Variants in HECW2 observed in about 807,000 individuals in gnomAD.
The protein encoded by HECW2 is HECT, C2 and WW domain containing E3 ubiquitin protein ligase 2.
In HECW2, 61 loss-of-function variants were observed where a neutral mutation model predicts 175.2. That is an observed-to-expected ratio of 0.35 (90% CI 0.28 to 0.43). The LOEUF (loss-of-function observed/expected upper bound fraction) is 0.43. Ranked by LOEUF, HECW2 falls within the 20% of genes least tolerant of loss-of-function variation. The probability of loss-of-function intolerance (pLI) is 1.00; values close to 1 mark genes in which losing one functional copy is unlikely to be tolerated. For synonymous variants in HECW2, 671 were observed against 731.0 expected, an observed-to-expected ratio of 0.92 and a Z score of 1.32; for missense variants, 1,524 against 2,000.5, an observed-to-expected ratio of 0.76 and a Z score of 4.54.
At chr2:196,253,786 C>T in intron 19 of HECW2, 134 bp downstream of exon 19, 2 of 694,150 alleles carry the variant, frequency 2.9e-6, no homozygotes, top group Non-Finnish European at 4.8e-6. Flanking sequence ...ACAGGAAATG[C>T]ACACGTGTAT....
chr2:196,237,358 CA>C (rs1688292739), intron 21 of HECW2, among the ~76,000 whole-genome samples: 1 of 152,124 alleles, frequency 6.6e-6, no homozygotes, highest in African/African-American at 2.4e-5. Flanking sequence ...CTCTTTCCCC[CA>C]AGTCCCAAAA....
intron 1 of HECW2, among the ~76,000 whole-genome samples, chr2:196,454,141 G>T (rs573566194): frequency 1.9e-4 from 29 of 152,160 alleles, no homozygotes; most frequent in African/African-American, 6.5e-4. Context: ...TGTATTTTTA[G>T]TAGAAACAGG....
intron 1 of HECW2, among the ~76,000 whole-genome samples, chr2:196,512,377 T>A (rs1190908184): frequency 6.6e-6 from 1 of 152,184 alleles, no homozygotes; most frequent in African/African-American, 2.4e-5. Flanking sequence ...GTCACTTTTT[T>A]AACCCTTCAA....
chr2:196,420,246 T>C (rs988058395), intron 2 of HECW2, among the ~76,000 whole-genome samples: 1 of 152,246 alleles, frequency 6.6e-6, no homozygotes, highest in African/African-American at 2.4e-5. Context: ...CAATGCAGTT[T>C]CTCTGAAGTC....
intron 2 of HECW2, among the ~76,000 whole-genome samples, chr2:196,386,284 A>G (rs1276706691): frequency 2.0e-5 from 3 of 152,324 alleles, no homozygotes; most frequent in Middle Eastern, 3.4e-3. Flanking sequence ...TGGGGGAAAG[A>G]GAACAGAGAG....
At chr2:196,507,949 T>C (rs1451131362) in intron 1 of HECW2, among the ~76,000 whole-genome samples, 1 of 152,190 alleles carries the variant, frequency 6.6e-6, no homozygotes, top group East Asian at 1.9e-4. Context: ...TTAACACTCC[T>C]CTTCAACCCC....
chr2:196,429,742 C>A lies in HECW2; in HGVS notation c.292+3390G>T, dbSNP rs555659205. Reference sequence around the variant, plus strand: ...TAGAGCAAGAAGCTAGAGTCCATAGCAGTTCTGCTGAGCTTGGATACAGAG... The same window carrying A: ...TAGAGCAAGAAGCTAGAGTCCATAGAAGTTCTGCTGAGCTTGGATACAGAG... On this transcript the variant is annotated intron_variant, in intron 2 of 28. Transcript: ENST00000644978. Among the ~76,000 whole-genome samples, 39 of 152,148 alleles carry A rather than the reference C, an allele frequency of 2.6e-4. No individual in the cohort carries two copies. In the South Asian group the frequency reaches 7.5e-3, roughly 29 times the overall value.
chr2:196,206,831 C>T (rs754416364), intron 28 of HECW2, among the ~76,000 whole-genome samples: 1 of 152,150 alleles, frequency 6.6e-6, no homozygotes, highest in African/African-American at 2.4e-5. Flanking sequence ...CTAGGAGACA[C>T]CTTTGTTTCA....
intron 2 of HECW2, among the ~76,000 whole-genome samples, chr2:196,375,891 C>T (rs953484654): frequency 1.3e-4 from 20 of 152,220 alleles, no homozygotes; most frequent in Non-Finnish European, 2.2e-4. Context: ...CTGATGAACA[C>T]GTTCTTGAAG....
intron 1 of HECW2, among the ~76,000 whole-genome samples, chr2:196,440,632 A>T (rs1013732436): frequency 6.6e-6 from 1 of 152,192 alleles, no homozygotes; most frequent in Non-Finnish European, 1.5e-5. Flanking sequence ...GAAACCTAAG[A>T]ACTCTCAATT....
intron 1 of HECW2, among the ~76,000 whole-genome samples, chr2:196,451,357 T>G (rs1696340077): frequency 7.0e-6 from 1 of 142,070 alleles, no homozygotes; most frequent in African/African-American, 2.6e-5. Flanking sequence ...TTGCTTGAAC[T>G]GGGAAGCGGA....
At chr2:196,425,477 G>A (rs1160861569) in intron 2 of HECW2, among the ~76,000 whole-genome samples, 1 of 152,160 alleles carries the variant, frequency 6.6e-6, no homozygotes, top group Non-Finnish European at 1.5e-5. Flanking sequence ...CACCATTCTA[G>A]ATGCCATTCA....
At chr2:196,386,696 A>G (rs1694361634) in intron 2 of HECW2, among the ~76,000 whole-genome samples, 1 of 152,188 alleles carries the variant, frequency 6.6e-6, no homozygotes, top group Non-Finnish European at 1.5e-5. Context: ...ATGATTTTTG[A>G]ATGTGACTAA....
chr2:196,435,427 C>G (rs989443887), intron 1 of HECW2, among the ~76,000 whole-genome samples: 18 of 152,160 alleles, frequency 1.2e-4, no homozygotes, highest in Admixed American at 1.2e-3. Context: ...TCAGCAAGAA[C>G]TATAAATAAT....
chr2:196,256,826 C>T (rs1371519826), intron 18 of HECW2, among the ~76,000 whole-genome samples: 1 of 152,206 alleles, frequency 6.6e-6, no homozygotes, highest in Non-Finnish European at 1.5e-5. Flanking sequence ...GCTACCCCCA[C>T]CATAGGTCCT....
chr2:196,504,365 T>A (rs190137919), intron 1 of HECW2, among the ~76,000 whole-genome samples: 1 of 150,850 alleles, frequency 6.6e-6, no homozygotes, highest in East Asian at 1.9e-4. Flanking sequence ...CGGGACCCTG[T>A]TATGCCCAAC....
chr2:196,282,719 A>T (rs1192452318), intron 14 of HECW2, among the ~76,000 whole-genome samples: 1 of 152,182 alleles, frequency 6.6e-6, no homozygotes, highest in East Asian at 1.9e-4. Flanking sequence ...GGCTTCAGAG[A>T]GAATAGACTG....
chr2:196,319,843 A>G lies in HECW2; in HGVS notation c.1047T>C (p.Gly349=). 6.2e-7 allele frequency: 1 copy of G among 1,614,052 alleles called. No homozygotes were observed. The highest frequency in any genetic ancestry group is 1.3e-5 in the African/African-American group (1 of 75,066). ...LGVNSVNGDL[G]SPSDDEDMPG... ...GCATGTCCTCGTCATCGGAAGGGCT[A>G]CCTAAGTCTCCATTCACAGAATTGA... is the stretch of plus-strand genomic sequence containing the variant. The change falls in exon 9 of 29, where the codon GGT becomes GGC. Residue 349 remains glycine, a synonymous_variant. Transcript: ENST00000644978.
At position 196,319,108 on chromosome 2, in the gene HECW2, G is replaced by T; in HGVS notation, c.1782C>A (p.Ala594=). Residue 594 remains alanine (A), a synonymous_variant, in exon 9 of 29, where the codon GCC becomes GCA. Coordinates refer to ENST00000644978, the MANE Select transcript of HECW2 (RefSeq NM_001348768.2). Reference sequence around the variant, plus strand: ...GATCGAGAGACTCGGTCTCACTGACGGCTCTTCGGCTTCCTCCTGATGCAT... The same window carrying T: ...GATCGAGAGACTCGGTCTCACTGACTGCTCTTCGGCTTCCTCCTGATGCAT... ...TSDASGGSRR[A]VSETESLDQG... 2 of 1,594,818 alleles carry T rather than the reference G, an allele frequency of 1.3e-6. No homozygotes were observed. Among genetic ancestry groups the T allele is most frequent in the Non-Finnish European group, 1.7e-6 (2 of 1,170,728 alleles).
Sources: gnomAD v4.1 joint callset for allele counts (sites outside exome capture counted in the v4.1 genomes callset) on GRCh38, gnomAD v4.1.1 for gene constraint, MANE v1.5 for transcripts, NCBI Gene and HGNC (gene_info 2026-07-23, HGNC 2026-07-21) for gene names.